Variants in NUCB2 observed in about 807,000 individuals in gnomAD.
NUCB2 encodes nucleobindin 2.
In NUCB2, 48 loss-of-function variants were observed where a neutral mutation model predicts 57.9. That is an observed-to-expected ratio of 0.83 (90% confidence interval 0.66 to 1.05). NUCB2 has a LOEUF of 1.05. Ranked by LOEUF, NUCB2 falls within the 50% of genes least tolerant of loss-of-function variation. The pLI, the probability that NUCB2 is intolerant of heterozygous loss-of-function variation, is 0.00. For missense variants in NUCB2, 442 were observed against 476.2 expected, an observed-to-expected ratio of 0.93 and a Z score of 0.67; for synonymous variants, 139 against 152.1, an observed-to-expected ratio of 0.91 and a Z score of 0.64.
intron 4 of NUCB2, among the ~76,000 whole-genome samples, chr11:17,298,978 C>T (rs1050857848): frequency 3.3e-5 from 5 of 152,186 alleles, no homozygotes; most frequent in African/African-American, 7.2e-5. Flanking sequence ...GGATTATAGG[C>T]GTGAGCCACC....
chr11:17,317,570 TA>T (rs1221746936), intron 11 of NUCB2: 10 of 438,770 alleles, frequency 2.3e-5, no homozygotes, highest in Non-Finnish European at 4.1e-5. Flanking sequence ...AATTCAGTTG[TA>T]ATGTCTTTTT....
rs572788014 is a variant in NUCB2, at chr11:17,305,862, A to G, written c.380-3710A>G. ...GGTTTGAGGGAACTCCTGGCCTCAA[A>G]TGATCCTTCTGCCTTGGCCTCCTAA... On this transcript the variant is annotated intron_variant, in intron 5 of 13. Transcript: ENST00000529010. 3.3e-5 allele frequency among the ~76,000 whole-genome samples: 5 copies of G among 152,142 alleles called. No homozygotes were observed. In the East Asian group the frequency reaches 9.7e-4, roughly 29 times the overall value.
chr11:17,311,571 G>A (rs1002870921), intron 8 of NUCB2, among the ~76,000 whole-genome samples: 5 of 151,946 alleles, frequency 3.3e-5, no homozygotes, highest in Non-Finnish European at 7.4e-5. Flanking sequence ...TATCTAATAG[G>A]CTTTATACTA....
At chr11:17,311,706 C>T in intron 8 of NUCB2, 166 bp from the exon 9 acceptor site, 2 of 508,738 alleles carry the variant, frequency 3.9e-6, no homozygotes, top group Non-Finnish European at 7.0e-6. Flanking sequence ...GCATATTTAT[C>T]AGTTCAGCTG....
intron 11 of NUCB2, among the ~76,000 whole-genome samples, chr11:17,324,006 A>G (rs1205101976): frequency 6.6e-6 from 1 of 152,116 alleles, no homozygotes; most frequent in Non-Finnish European, 1.5e-5. Flanking sequence ...GTTTAACTTC[A>G]AAAAACCAAC....
downstream of NUCB2, chr11:17,334,406 T>A (rs559812359): frequency 3.9e-4 from 60 of 152,390 alleles, no homozygotes; most frequent in African/African-American, 1.3e-3. Flanking sequence ...TCTGCCATGC[T>A]TTATGCCAGC....
chr11:17,315,087 C>T (rs1025056616), intron 10 of NUCB2, among the ~76,000 whole-genome samples: 1 of 152,166 alleles, frequency 6.6e-6, no homozygotes, highest in African/African-American at 2.4e-5. Context: ...AAGACAGTAA[C>T]AGTCACCTAA....
chr11:17,289,117 C>T (rs1053930781), intron 2 of NUCB2, among the ~76,000 whole-genome samples: 9 of 151,676 alleles, frequency 5.9e-5, no homozygotes, highest in African/African-American at 1.7e-4. Flanking sequence ...CCACCATGCC[C>T]GGCTAATTTT....
At position 17,330,024 on chromosome 11, in the gene NUCB2, A is replaced by G. The variant is rs1951188741; in HGVS notation, c.1003-103A>G. On this transcript the variant is annotated intron_variant, in intron 11 of 13. Transcript: ENST00000529010. The surrounding 1 kb of genome is among the most constrained non-coding windows in gnomAD (Gnocchi z 4.3). Reference sequence around the variant, plus strand: ...TTCTTACCTCCAAAGGCGTAATCCTATAGATACTCTTTTATACTTTGCTAA... The same window carrying G: ...TTCTTACCTCCAAAGGCGTAATCCTGTAGATACTCTTTTATACTTTGCTAA... The G allele has an allele frequency of 5.0e-6, 3 of 594,428 alleles. No homozygotes were observed. The highest frequency in any genetic ancestry group is 5.7e-6 in the Non-Finnish European group (2 of 350,770). The allele number at this position is 594,428 out of a possible 1,614,324, so 36.8% of individuals were successfully genotyped here.
intron 11 of NUCB2, among the ~76,000 whole-genome samples, chr11:17,316,358 T>C (rs1949246359): frequency 6.6e-6 from 1 of 152,242 alleles, no homozygotes; most frequent in Non-Finnish European, 1.5e-5. Flanking sequence ...TTTAACAATA[T>C]TTCACAAACA....
rs894719732 is a variant in NUCB2 at position 17,318,418 on chromosome 11, AT to A, written c.1002+2950del. Among the ~76,000 whole-genome samples the A allele has an allele frequency of 2.0e-5, 3 of 152,196 alleles. No individual in the cohort carries two copies. The East Asian group carries it at 5.8e-4, about 29-fold the overall frequency. On this transcript the variant is annotated intron_variant, in intron 11 of 13. Coordinates refer to ENST00000529010, the MANE Select transcript of NUCB2 (RefSeq NM_005013.4). ...TTAAAAGCTATGGAGGTATATAAAC[AT>A]TTTTTTAGGGTTTGACATTTAAATT... is the stretch of plus-strand genomic sequence containing the variant.
chr11:17,277,407 A>G lies in NUCB2; in HGVS notation c.-156+579A>G, dbSNP rs142792303. ...TCCTTGTTGCACCTGCTAAGTGGCAACTCAGTGAGCAAATATGGTTATTGT... is the reference window on the plus strand; with the variant it reads ...TCCTTGTTGCACCTGCTAAGTGGCAGCTCAGTGAGCAAATATGGTTATTGT... On this transcript the variant is annotated intron_variant, in intron 1 of 13. Coordinates refer to ENST00000529010, the MANE Select transcript of NUCB2 (RefSeq NM_005013.4). Among the ~76,000 whole-genome samples, 340 of 152,188 alleles carry G rather than the reference A, an allele frequency of 2.2e-3. 1 individual carries two copies. The highest frequency in any genetic ancestry group is 7.8e-3 in the African/African-American group (322 of 41,538).
intron 2 of NUCB2, among the ~76,000 whole-genome samples, chr11:17,291,783 G>A (rs1944985294): frequency 6.6e-6 from 1 of 152,004 alleles, no homozygotes; most frequent in African/African-American, 2.4e-5. Context: ...TCCATATTTT[G>A]TTTCCAAAGT....
chr11:17,322,876 G>T (rs1950197467), intron 11 of NUCB2, among the ~76,000 whole-genome samples: 2 of 151,742 alleles, frequency 1.3e-5, no homozygotes, highest in South Asian at 4.2e-4. Flanking sequence ...TTCTTTTTCA[G>T]ATTGCTTATT....
At chr11:17,311,995 C>A (rs1332606523) in intron 9 of NUCB2, 33 bp from the exon 10 acceptor site, 6 of 1,540,078 alleles carry the variant, frequency 3.9e-6, no homozygotes, top group African/African-American at 1.4e-5. Flanking sequence ...TACTTTCTTT[C>A]CTTTCATGTT....
At chr11:17,329,117 A>C (rs1355753226) in intron 11 of NUCB2, among the ~76,000 whole-genome samples, 2 of 151,936 alleles carry the variant, frequency 1.3e-5, no homozygotes, top group East Asian at 3.9e-4. Flanking sequence ...GGTCCTCACA[A>C]CTCTGCCTGG....
intron 11 of NUCB2, among the ~76,000 whole-genome samples, chr11:17,317,073 T>C (rs1214235878): frequency 6.6e-6 from 1 of 152,218 alleles, no homozygotes; most frequent in Non-Finnish European, 1.5e-5. Flanking sequence ...TTAGTGCATC[T>C]GGTAGACTAG....
chr11:17,278,907 T>C (rs1202516606), intron 1 of NUCB2, among the ~76,000 whole-genome samples: 1 of 152,078 alleles, frequency 6.6e-6, no homozygotes, highest in Non-Finnish European at 1.5e-5. Flanking sequence ...AAAATAATCC[T>C]TTAGGCCGGG....
At chr11:17,310,726 A>G (rs2138903789) in intron 6 of NUCB2, 99 bp from the exon 7 acceptor site, 1 of 882,270 alleles carries the variant, frequency 1.1e-6, no homozygotes, top group East Asian at 2.8e-5. Flanking sequence ...GCCCTCCCGT[A>G]CCACTTCTGT....
Sources: gnomAD v4.1 joint callset for allele counts (sites outside exome capture counted in the v4.1 genomes callset) on GRCh38, gnomAD v4.1.1 for gene constraint, Gnocchi (gnomAD v3.1) non-coding constraint, MANE v1.5 for transcripts, NCBI Gene and HGNC (gene_info 2026-07-23, HGNC 2026-07-21) for gene names.